The following YAP1 variants were observed in gnomAD, a reference collection of about 807,000 sequenced individuals.
YAP1 encodes the protein transcriptional coactivator YAP1.
YAP1 carries 5 observed loss-of-function variants against 56.9 expected under a neutral mutation model. The observed-to-expected ratio is 0.09, with a 90% CI of 0.05 to 0.18. YAP1 has a LOEUF of 0.18. Ranked by LOEUF, YAP1 falls within the 10% of genes least tolerant of loss-of-function variation. YAP1 has a pLI of 1.00. For synonymous variants in YAP1, 265 were observed against 248.1 expected, an observed-to-expected ratio of 1.07 and a Z score of -0.64; for missense variants, 539 against 651.8, an observed-to-expected ratio of 0.83 and a Z score of 1.88.
intron 2 of YAP1, among the ~76,000 whole-genome samples, chr11:102,116,069 G>C (rs1250935497): frequency 6.6e-6 from 1 of 152,112 alleles, no homozygotes; most frequent in Admixed American, 6.6e-5. Context: ...TTGAATGAAT[G>C]ATCTTTTTTT....
chr11:102,121,075 A>G (rs922710799), intron 2 of YAP1, among the ~76,000 whole-genome samples: 1 of 150,252 alleles, frequency 6.7e-6, no homozygotes, highest in African/African-American at 2.5e-5. Flanking sequence ...ACCATCCATG[A>G]GTTTCCTTTC....
At chr11:102,146,909 A>G (rs1330966498) in intron 2 of YAP1, among the ~76,000 whole-genome samples, 6 of 152,176 alleles carry the variant, frequency 3.9e-5, no homozygotes, top group South Asian at 2.1e-4. Flanking sequence ...GGCTTTTACT[A>G]TATTCAGGGG....
At chr11:102,170,993 T>C (rs561376780) in intron 3 of YAP1, among the ~76,000 whole-genome samples, 201 of 152,004 alleles carry the variant, frequency 1.3e-3, no homozygotes, top group African/African-American at 4.7e-3. Flanking sequence ...AAAAAAAAAT[T>C]TAGATCCATG....
rs988442792 is a variant in YAP1 at position 102,167,294 on chromosome 11, G to T, written c.688+4723G>T. 2.0e-4 allele frequency among the ~76,000 whole-genome samples: 30 copies of T among 152,182 alleles called. 1 individual carries two copies. The highest frequency in any genetic ancestry group is 1.9e-3 in the Admixed American group (29 of 15,286). On this transcript the variant is annotated intron_variant, in intron 3 of 8. Coordinates refer to ENST00000282441, the MANE Select transcript of YAP1 (RefSeq NM_001130145.3). ...TTTGTGAAAGAATTTGAAAGGTGAA[G>T]AAGAGGAAAATGGAAAAATAAGAGG...
At chr11:102,164,964 C>T (rs1946513888) in intron 3 of YAP1, among the ~76,000 whole-genome samples, 1 of 152,106 alleles carries the variant, frequency 6.6e-6, no homozygotes, top group African/African-American at 2.4e-5. Context: ...TCAGGTGATC[C>T]GCCTGTCTTC....
intron 2 of YAP1, among the ~76,000 whole-genome samples, chr11:102,117,782 A>G (rs145779973): frequency 6.6e-6 from 1 of 152,326 alleles, no homozygotes; most frequent in East Asian, 1.9e-4. Flanking sequence ...TAGCCATATA[A>G]TATTTGTTCT....
chr11:102,210,946 G>A (rs1195030704), intron 6 of YAP1, among the ~76,000 whole-genome samples: 2 of 151,970 alleles, frequency 1.3e-5, no homozygotes, highest in Admixed American at 6.6e-5. Context: ...TAGTAGAGAC[G>A]GGGTTTCACA....
At chr11:102,182,847 A>G (rs1947709023) in intron 3 of YAP1, among the ~76,000 whole-genome samples, 1 of 152,244 alleles carries the variant, frequency 6.6e-6, no homozygotes, top group Non-Finnish European at 1.5e-5. Flanking sequence ...AATGAAAGAT[A>G]AAATGAATAT....
intron 3 of YAP1, among the ~76,000 whole-genome samples, chr11:102,176,560 C>T (rs1947259286): frequency 6.6e-6 from 1 of 151,812 alleles, no homozygotes; most frequent in East Asian, 1.9e-4. Context: ...GCCTGGCCAA[C>T]ATGGTGAAAC....
chr11:102,142,661 T>G (rs938476483), intron 2 of YAP1, among the ~76,000 whole-genome samples: 1 of 152,228 alleles, frequency 6.6e-6, no homozygotes, highest in Non-Finnish European at 1.5e-5. Context: ...AACTCAGAAG[T>G]TTTGTATGTG....
intron 6 of YAP1, among the ~76,000 whole-genome samples, chr11:102,222,648 G>A (rs561739617): frequency 6.6e-6 from 1 of 152,240 alleles, no homozygotes; most frequent in Non-Finnish European, 1.5e-5. Context: ...TTATGTTTGT[G>A]GTGGAGAAGC....
At chr11:102,141,843 TA>T (rs1363630389) in intron 2 of YAP1, among the ~76,000 whole-genome samples, 1 of 152,192 alleles carries the variant, frequency 6.6e-6, no homozygotes. Context: ...TGGTATGCAA[TA>T]GATATTTGAG....
chr11:102,149,785 C>T (rs922311144), intron 2 of YAP1, among the ~76,000 whole-genome samples: 3 of 152,072 alleles, frequency 2.0e-5, no homozygotes, highest in Non-Finnish European at 4.4e-5. Flanking sequence ...TCTGTTGCAA[C>T]TTTGGACTCC....
intron 2 of YAP1, among the ~76,000 whole-genome samples, chr11:102,159,277 A>C (rs1300803944): frequency 1.3e-5 from 2 of 152,290 alleles, no homozygotes; most frequent in East Asian, 3.9e-4. Context: ...GCAGGTACCC[A>C]GGGCGCAGTG....
At chr11:102,125,104 A>C (rs1400887063) in intron 2 of YAP1, among the ~76,000 whole-genome samples, 2 of 146,746 alleles carry the variant, frequency 1.4e-5, no homozygotes, top group Admixed American at 6.8e-5. Flanking sequence ...TGGCACGCTC[A>C]GGGCTCACTG....
At chr11:102,142,623 G>A (rs1225701748) in intron 2 of YAP1, among the ~76,000 whole-genome samples, 1 of 152,176 alleles carries the variant, frequency 6.6e-6, no homozygotes, top group Non-Finnish European at 1.5e-5. Context: ...GTCAGTTTTA[G>A]TTTTAGACTG....
chr11:102,148,175 A>G (rs536356132), intron 2 of YAP1, among the ~76,000 whole-genome samples: 25 of 152,196 alleles, frequency 1.6e-4, no homozygotes, highest in Non-Finnish European at 2.9e-4. Context: ...TTAATAGAGC[A>G]TGCTTAAAAT....
chr11:102,191,719 C>T (rs1360354809), intron 4 of YAP1, among the ~76,000 whole-genome samples: 1 of 152,062 alleles, frequency 6.6e-6, no homozygotes, highest in Non-Finnish European at 1.5e-5. Context: ...TCACTCTCAT[C>T]GCCCAGGCTA....
chr11:102,135,028 G>A (rs957414638), intron 2 of YAP1, among the ~76,000 whole-genome samples: 6 of 152,054 alleles, frequency 3.9e-5, no homozygotes, highest in Non-Finnish European at 8.8e-5. Flanking sequence ...AAAGGTGCAT[G>A]CTGGCTAATT....
Sources: allele counts gnomAD v4.1 joint callset (sites outside exome capture counted in the v4.1 genomes callset), GRCh38; gene constraint gnomAD v4.1.1; transcripts MANE v1.5; gene names NCBI Gene and HGNC (gene_info 2026-07-23, HGNC 2026-07-21).